Variants in LOC400499 observed in about 807,000 individuals in gnomAD.
chr16:11,372,186 C>G, the LOC400499 span: 1 of 152,220 alleles, frequency 6.6e-6, no homozygotes, highest in Admixed American at 6.5e-5. Flanking sequence ...CCCAGTGTGT[C>G]TACCCCAAAG....
At chr16:11,401,341 G>A in the LOC400499 span, 1 of 399,438 alleles carries the variant, frequency 2.5e-6, no homozygotes, top group East Asian at 3.6e-5. Context: ...GGTTGAATGG[G>A]TGAGCCAGGG....
At chr16:11,429,288 G>T in the LOC400499 span, among the ~76,000 whole-genome samples, 1 of 152,138 alleles carries the variant, frequency 6.6e-6, no homozygotes, top group Non-Finnish European at 1.5e-5. Flanking sequence ...TCTTAATCCT[G>T]CTCTGGCCCT....
At chr16:11,385,028 C>G in the LOC400499 span, 79 of 1,232,182 alleles carry the variant, frequency 6.4e-5, no homozygotes, top group Non-Finnish European at 7.8e-5. Context: ...GTCCGGACAA[C>G]TGTCCCCCGG....
chr16:11,493,520 G>A, the LOC400499 span: 2 of 388,722 alleles, frequency 5.1e-6, no homozygotes, highest in African/African-American at 2.1e-5. Context: ...CTAGTACCCA[G>A]CCCACAGTAG....
chr16:11,485,037 G>T, the LOC400499 span: 1 of 398,998 alleles, frequency 2.5e-6, no homozygotes, highest in South Asian at 1.3e-4. Flanking sequence ...AACAGCCTGT[G>T]AGCAATTTCC....
chr16:11,485,675 T>C, the LOC400499 span, among the ~76,000 whole-genome samples: 1 of 152,198 alleles, frequency 6.6e-6, no homozygotes, highest in Non-Finnish European at 1.5e-5. Flanking sequence ...TCCTTATTCC[T>C]ATCCATCCAT....
chr16:11,492,791 A>G, the LOC400499 span, among the ~76,000 whole-genome samples: 1 of 152,012 alleles, frequency 6.6e-6, no homozygotes, highest in Non-Finnish European at 1.5e-5. Context: ...TCTCAAAAAA[A>G]AAAAAAGTTA....
At chr16:11,418,490 G>A in the LOC400499 span, among the ~76,000 whole-genome samples, 1 of 152,212 alleles carries the variant, frequency 6.6e-6, no homozygotes, top group Non-Finnish European at 1.5e-5. Context: ...CACCATGACA[G>A]TTTACAGATG....
At chr16:11,377,792 A>AGTAAT in the LOC400499 span, among the ~76,000 whole-genome samples, 13 of 152,234 alleles carry the variant, frequency 8.5e-5, no homozygotes, top group Non-Finnish European at 1.5e-4. Flanking sequence ...CTTTGGTATC[A>AGTAAT]GTAATGCTGG....
the LOC400499 span, among the ~76,000 whole-genome samples, chr16:11,424,962 C>T: frequency 5.3e-5 from 8 of 152,164 alleles, no homozygotes; most frequent in African/African-American, 1.7e-4. Flanking sequence ...GGCTGAATGA[C>T]GTCCCAGGGA....
the LOC400499 span, among the ~76,000 whole-genome samples, chr16:11,519,933 C>A: frequency 2.0e-5 from 3 of 152,044 alleles, no homozygotes; most frequent in East Asian, 5.8e-4. Context: ...GAACTCCAGA[C>A]CTCAGGTGAT....
the LOC400499 span, among the ~76,000 whole-genome samples, chr16:11,463,367 C>A: frequency 6.7e-6 from 1 of 149,696 alleles, no homozygotes; most frequent in African/African-American, 2.4e-5. Flanking sequence ...CCGATCCCCA[C>A]AGATGTGTGT....
chr16:11,459,310 C>T, the LOC400499 span, among the ~76,000 whole-genome samples: 4 of 150,466 alleles, frequency 2.7e-5, no homozygotes, highest in Admixed American at 2.7e-4. Context: ...CATTCTCCTG[C>T]CTCAGCCTCC....
chr16:11,392,729 G>A, the LOC400499 span: 55 of 968,996 alleles, frequency 5.7e-5, no homozygotes, highest in African/African-American at 9.1e-4. Context: ...AGGCTTCAGG[G>A]GGTTTCCTGA....
At chr16:11,376,028 C>G in the LOC400499 span, among the ~76,000 whole-genome samples, 2 of 152,254 alleles carry the variant, frequency 1.3e-5, no homozygotes, top group South Asian at 4.1e-4. Context: ...TGTGAGCCAC[C>G]GCGCCGGGCC....
chr16:11,472,511 AAG>A, the LOC400499 span: 1 of 152,222 alleles, frequency 6.6e-6, no homozygotes, highest in African/African-American at 2.4e-5. Flanking sequence ...ACTTTTTAAA[AAG>A]AGTGTCAGGC....
At chr16:11,507,761 G>A in the LOC400499 span, among the ~76,000 whole-genome samples, 294 of 152,100 alleles carry the variant, frequency 1.9e-3, no homozygotes, top group African/African-American at 5.9e-3. Context: ...GCAAAACCCC[G>A]TCTCTACAAA....
the LOC400499 span, chr16:11,494,684 G>A: frequency 2.5e-6 from 1 of 399,516 alleles, no homozygotes; most frequent in Non-Finnish European, 4.4e-6. Flanking sequence ...CCCGTCCAGA[G>A]AAGCACAGAG....
At chr16:11,422,231 T>C in the LOC400499 span, among the ~76,000 whole-genome samples, 14 of 152,186 alleles carry the variant, frequency 9.2e-5, 1 homozygote, top group African/African-American at 2.9e-4. Context: ...TGAAACCCTG[T>C]CTATACTAAA....
Sources: allele counts gnomAD v4.1 joint callset (sites outside exome capture counted in the v4.1 genomes callset), GRCh38; gene constraint gnomAD v4.1.1; transcripts MANE v1.5.